The following WDR91 variants were observed in gnomAD, a reference collection of about 807,000 sequenced individuals.
The protein encoded by WDR91 is WD repeat domain 91.
WDR91 carries 52 observed loss-of-function variants against 88.4 expected under a neutral mutation model. That is an observed-to-expected ratio of 0.59 (90% confidence interval 0.47 to 0.74). WDR91 has a LOEUF of 0.74. Ranked by LOEUF, WDR91 falls within the 30% of genes least tolerant of loss-of-function variation. The pLI, the probability that WDR91 is intolerant of heterozygous loss-of-function variation, is 0.00. For missense variants in WDR91, 824 were observed against 954.5 expected, an observed-to-expected ratio of 0.86 and a Z score of 1.80; for synonymous variants, 362 against 389.5, an observed-to-expected ratio of 0.93 and a Z score of 0.83.
At chr7:135,186,942 CACT>C (rs1830966126) in intron 14 of WDR91, 27 bp downstream of exon 14, 2 of 1,612,230 alleles carry the variant, frequency 1.2e-6, no homozygotes, top group East Asian at 4.5e-5. Flanking sequence ...ACCACAATAC[CACT>C]ACCTCCCACC....
rs780210501 is a variant in WDR91, at chr7:135,206,027, A to C, written c.626T>G (p.Leu209Arg). Residue 209 changes from leucine to arginine, a missense_variant, in exon 5 of 15, where the codon CTG (leucine) becomes CGG (arginine). Transcript: ENST00000354475. ...LFALQAEIHR[L>R]KKEEQQPEEE... ...TTCTGGCTGTTGCTCCTCTTTCTTC[A>C]GTCGGTGGATTTCAGCTTGCAATGC... The C allele has an allele frequency of 1.2e-6, 2 of 1,614,084 alleles. No individual in the cohort carries two copies. The highest frequency in any genetic ancestry group is 1.7e-6 in the Non-Finnish European group (2 of 1,180,054).
At position 135,209,570 on chromosome 7, in the gene WDR91, A is replaced by G. The variant is rs1207478932; in HGVS notation, c.303+6T>C. On this transcript the variant is annotated splice_donor_region_variant and intron_variant, in intron 2 of 14. Coordinates refer to ENST00000354475, the MANE Select transcript of WDR91 (RefSeq NM_014149.4). ...AGGGAAGCAGAACCCCTGAATCAACAGGCACCTGGATTGTGTAGACAAGAT... is the reference window on the plus strand; with the variant it reads ...AGGGAAGCAGAACCCCTGAATCAACGGGCACCTGGATTGTGTAGACAAGAT... 6.5e-7 allele frequency: 1 copy of G among 1,544,356 alleles called. No individual in the cohort carries two copies. The highest frequency in any genetic ancestry group is 8.7e-7 in the Non-Finnish European group (1 of 1,143,822).
intron 6 of WDR91, 94 bp from the exon 7 acceptor site, chr7:135,198,245 G>A: frequency 7.0e-7 from 1 of 1,426,914 alleles, no homozygotes; most frequent in African/African-American, 1.4e-5. Context: ...GGGGGGGCGT[G>A]GTGGGTTGGG....
At chr7:135,193,544 C>T (rs953741111) in intron 10 of WDR91, 34 bp downstream of exon 10, 12 of 1,612,932 alleles carry the variant, frequency 7.4e-6, no homozygotes, top group Middle Eastern at 3.3e-4. Flanking sequence ...TGGCAGCCTG[C>T]GGCCTTGATG....
Position 135,195,086 on chromosome 7 carries a change from T to G in WDR91, c.1245-2A>C. ...ACTCTCCTCCCAGAGCAGTCCACTC[T>G]GAGATGAGAGAAAAGGGAGGCCTGT... On this transcript the variant is annotated splice_acceptor_variant, in intron 8 of 14. Transcript: ENST00000354475. LOFTEE classifies it high-confidence loss of function. 1 of 1,611,880 alleles carries G rather than the reference T, an allele frequency of 6.2e-7. No individual in the cohort carries two copies. Among genetic ancestry groups the G allele is most frequent in the Middle Eastern group, 1.8e-4 (1 of 5,566 alleles).
chr7:135,209,100 C>T, intron 2 of WDR91, 102 bp from the exon 3 acceptor site: 1 of 940,728 alleles, frequency 1.1e-6, no homozygotes, highest in Non-Finnish European at 1.6e-6. Context: ...TATCAGCCTG[C>T]CAGGTAAGTG....
chr7:135,186,945 TACCTC>T, intron 14 of WDR91, 22 bp downstream of exon 14: 1 of 1,612,338 alleles, frequency 6.2e-7, no homozygotes, highest in Non-Finnish European at 8.5e-7. Flanking sequence ...ACAATACCAC[TACCTC>T]CCACCCCCAA....
intron 2 of WDR91, 136 bp from the exon 3 acceptor site, chr7:135,209,134 A>T: frequency 1.5e-6 from 1 of 660,130 alleles, no homozygotes; most frequent in South Asian, 2.4e-5. Flanking sequence ...CCATAATATA[A>T]AGGAAATCAT....
rs990918211 is a variant in WDR91 at position 135,188,442 on chromosome 7, C to T, written c.1872G>A (p.Glu624=). The stretch of plus-strand genomic sequence containing the variant: ...TCCTGCAGCCGCCTACCTTCCCGTC[C>T]TCGCCGATGCTGTACACGGTGTTCT... ...YDENTVYSIG[E]DGKFIQWNIH... The change falls in exon 13 of 15, where the codon GAG becomes GAA. Residue 624 remains glutamate, a synonymous_variant. Coordinates refer to ENST00000354475, the MANE Select transcript of WDR91 (RefSeq NM_014149.4). 6 of 1,613,938 alleles carry T rather than the reference C, an allele frequency of 3.7e-6. No homozygotes were observed. The African/African-American group carries it at 5.3e-5, about 14-fold the overall frequency.
At chr7:135,194,294 A>C (rs1160761678) in intron 9 of WDR91, among the ~76,000 whole-genome samples, 1 of 152,212 alleles carries the variant, frequency 6.6e-6, no homozygotes, top group Non-Finnish European at 1.5e-5. Flanking sequence ...CTCGGCATTC[A>C]CTTGGCAAAC....
At position 135,193,245 on chromosome 7, in the gene WDR91, T is replaced by C. The variant is rs1439034603; in HGVS notation, c.1645A>G (p.Thr549Ala). ...PGRLLLWDTKTMKQQLQFSLD... is the reference protein window; with the variant it reads ...PGRLLLWDTKAMKQQLQFSLD... ...CAGGCCCGTACCTGCTGCTTCATGG[T>C]TTTCGTGTCCCACAGCAGCAGCCTG... is the stretch of plus-strand genomic sequence containing the variant. Residue 549 changes from threonine to alanine, a missense_variant, in exon 11 of 15, where the codon ACC becomes GCC. Thr to Ala is a moderately conservative substitution (Grantham distance 58). Transcript: ENST00000354475. The C allele has an allele frequency of 6.2e-7, 1 of 1,613,974 alleles. No individual in the cohort carries two copies. Among genetic ancestry groups the C allele is most frequent in the Non-Finnish European group, 8.5e-7 (1 of 1,180,020 alleles).
At chr7:135,195,165 C>T in intron 8 of WDR91, 81 bp from the exon 9 acceptor site, 1 of 1,458,620 alleles carries the variant, frequency 6.9e-7, no homozygotes. Context: ...TGATCACTTT[C>T]CTGACTTCCT....
rs1344322981 is a variant in WDR91, at chr7:135,184,818, A to C, written c.*1333T>G. The C allele has an allele frequency of 2.0e-5, 3 of 152,242 alleles. No homozygotes were observed. Among genetic ancestry groups the C allele is most frequent in the Non-Finnish European group, 4.4e-5 (3 of 68,072 alleles). 9.4% of individuals were successfully genotyped at this position (152,242 alleles called of 1,614,324 possible). On this transcript the variant is annotated 3_prime_UTR_variant, in exon 15 of 15. Transcript: ENST00000354475. ...GATGTTCAGTTGGAGGAATGAGAGG[A>C]GCCACCAAATGAAAAAGGTACAGGT...
chr7:135,196,313 T>G lies in WDR91; in HGVS notation c.1075A>C (p.Ser359Arg). 2 of 1,578,680 alleles carry G rather than the reference T, an allele frequency of 1.3e-6. No homozygotes were observed. Among genetic ancestry groups the G allele is most frequent in the South Asian group, 1.2e-5 (1 of 86,180 alleles). Residue 359 changes from serine (S) to arginine (R), a missense_variant, in exon 8 of 15, where the codon AGT (serine) becomes CGT (arginine). Transcript: ENST00000354475. This position sits in a 1 kb window ranked among gnomAD's most constrained non-coding sequence, Gnocchi z 4.2. ...GGGCAGGGCTCAGCCTCTGGGCCAC[T>G]GGCTTCTGGTTTCTTCTCTGCACAC... is the stretch of plus-strand genomic sequence containing the variant. Reference protein sequence around the residue: ...SQCAEKKPEASGPEAEPCPEL... With the variant: ...SQCAEKKPEARGPEAEPCPEL...
rs1447196923 is a variant in WDR91, at chr7:135,184,183, G to C, written c.*1968C>G. ...AGGGAGGATTACCAGGGTAGAAATG[G>C]GTAAAAATCGGTAAATAACTATTTA... On this transcript the variant is annotated 3_prime_UTR_variant, in exon 15 of 15. Transcript: ENST00000354475. The C allele has an allele frequency of 1.3e-5, 2 of 152,076 alleles. No homozygotes were observed. Among genetic ancestry groups the C allele is most frequent in the African/African-American group, 4.8e-5 (2 of 41,408 alleles). The allele number at this position is 152,076 out of a possible 1,614,324, so 9.4% of individuals were successfully genotyped here.
chr7:135,189,682 G>A (rs1406236888), intron 11 of WDR91, among the ~76,000 whole-genome samples: 1 of 152,190 alleles, frequency 6.6e-6, no homozygotes, highest in Non-Finnish European at 1.5e-5. Context: ...ATAGAGAAAT[G>A]ATAATCCATG....
chr7:135,204,624 C>G lies in WDR91; in HGVS notation c.726-191G>C, dbSNP rs144830162. ...AAGGGAGCCAGCAGCTTATCTGTTA[C>G]AAGGGTGAAGTCTGCGGCTCTTCTT... On this transcript the variant is annotated intron_variant, in intron 5 of 14. Coordinates refer to ENST00000354475, the MANE Select transcript of WDR91 (RefSeq NM_014149.4). 3.9e-3 allele frequency among the ~76,000 whole-genome samples: 592 copies of G among 152,342 alleles called. 3 individuals carry two copies. Among genetic ancestry groups the G allele is most frequent in the Non-Finnish European group, 6.7e-3 (455 of 68,032 alleles).
rs185709559 is a variant in WDR91 at position 135,196,605 on chromosome 7, C to G, written c.1051-268G>C. On this transcript the variant is annotated intron_variant, in intron 7 of 14. Coordinates refer to ENST00000354475, the MANE Select transcript of WDR91 (RefSeq NM_014149.4). This position sits in a 1 kb window ranked among gnomAD's most constrained non-coding sequence, Gnocchi z 4.2. ...GGGCTGTGGCCTCTCTGTGACACAGCTGATGGGACCCAGGACACACATCTG... is the reference window on the plus strand; with the variant it reads ...GGGCTGTGGCCTCTCTGTGACACAGGTGATGGGACCCAGGACACACATCTG... Among the ~76,000 whole-genome samples, 3 of 152,282 alleles carry G rather than the reference C, an allele frequency of 2.0e-5. No individual in the cohort carries two copies. Among genetic ancestry groups the G allele is most frequent in the Admixed American group, 2.0e-4 (3 of 15,312 alleles).
At chr7:135,209,094 A>G (rs1831920168) in intron 2 of WDR91, 96 bp from the exon 3 acceptor site, 2 of 1,038,194 alleles carry the variant, frequency 1.9e-6, no homozygotes, top group African/African-American at 3.2e-5. Context: ...TTTGACTATC[A>G]GCCTGCCAGG....
Sources: allele counts gnomAD v4.1 joint callset (sites outside exome capture counted in the v4.1 genomes callset), GRCh38; gene constraint gnomAD v4.1.1; non-coding constraint Gnocchi (gnomAD v3.1); transcripts MANE v1.5; gene names NCBI Gene and HGNC (gene_info 2026-07-23, HGNC 2026-07-21).